OPTN: variants seen among roughly 807,000 people sequenced by gnomAD.
OPTN encodes the protein optineurin.
In OPTN, 54 loss-of-function variants were observed where a neutral mutation model predicts 70.4. That is an observed-to-expected ratio of 0.77 (90% confidence interval 0.62 to 0.96). The LOEUF is 0.96. Among genes scored for constraint, OPTN ranks in the 40% least tolerant of loss-of-function variants. OPTN has a pLI of 0.00. For synonymous variants in OPTN, 256 were observed against 248.5 expected (o/e 1.03, Z -0.28); for missense variants, 624 against 673.2 (o/e 0.93, Z 0.81).
intron 6 of OPTN, among the ~76,000 whole-genome samples, chr10:13,117,711 C>T (rs907783141): frequency 7.0e-4 from 107 of 151,978 alleles, no homozygotes; most frequent in Non-Finnish European, 6.6e-4. Flanking sequence ...CCTCCCAAAG[C>T]GCTGGGATTA....
intron 4 of OPTN, among the ~76,000 whole-genome samples, chr10:13,110,773 C>T (rs1832979195): frequency 6.6e-6 from 1 of 152,068 alleles, no homozygotes; most frequent in South Asian, 2.1e-4. Context: ...TGCAGATGGG[C>T]CTCTGCCTAG....
chr10:13,136,505 CAAAAAAAAAAAAA>C (rs71386161), intron 14 of OPTN, among the ~76,000 whole-genome samples: 1 of 72,870 alleles, frequency 1.4e-5, no homozygotes, highest in Non-Finnish European at 2.5e-5. Flanking sequence ...GACTCCGTCT[CAAAAAAAAAAAAA>C]AAAAAAAAAA....
rs534086391 is a variant in OPTN at position 13,103,355 on chromosome 10, C to T, written c.-164+3053C>T. Among the ~76,000 whole-genome samples the T allele has an allele frequency of 1.1e-4, 17 of 152,330 alleles. No homozygotes were observed. The South Asian group carries it at 1.9e-3, about 17-fold the overall frequency. On this transcript the variant is annotated intron_variant, in intron 1 of 14. Transcript: ENST00000378747. ...TTATCCCATGTAGGGATTGAACCTACGAATACTTCATTAGCAAATTTGAAG... is the reference window on the plus strand; with the variant it reads ...TTATCCCATGTAGGGATTGAACCTATGAATACTTCATTAGCAAATTTGAAG...
chr10:13,123,371 C>T (rs1833393942), intron 8 of OPTN, among the ~76,000 whole-genome samples: 1 of 152,162 alleles, frequency 6.6e-6, no homozygotes, highest in Non-Finnish European at 1.5e-5. Flanking sequence ...ATTTATTCAA[C>T]AAATATGTAC....
intron 6 of OPTN, among the ~76,000 whole-genome samples, chr10:13,116,946 A>G (rs1833222675): frequency 6.6e-6 from 1 of 152,090 alleles, no homozygotes; most frequent in Non-Finnish European, 1.5e-5. Flanking sequence ...CAGACCTAGA[A>G]CTGAGCGCCT....
chr10:13,125,071 T>G (rs1449956173), intron 9 of OPTN, among the ~76,000 whole-genome samples: 1 of 152,200 alleles, frequency 6.6e-6, no homozygotes, highest in Non-Finnish European at 1.5e-5. Flanking sequence ...TTTTTTTTAA[T>G]ATAAAAGATA....
intron 5 of OPTN, among the ~76,000 whole-genome samples, chr10:13,115,640 ATTATATATATAT>A (rs1833189418): frequency 7.2e-6 from 1 of 139,062 alleles, no homozygotes; most frequent in Admixed American, 8.0e-5. Flanking sequence ...ATCTAAATAT[ATTATATATATAT>A]TTATACGTAT....
chr10:13,129,212 T>C (rs1833538297), intron 12 of OPTN, among the ~76,000 whole-genome samples: 1 of 152,310 alleles, frequency 6.6e-6, no homozygotes, highest in Non-Finnish European at 1.5e-5. Context: ...ATTTAAGCCA[T>C]CTTTTCTTAA....
intron 12 of OPTN, among the ~76,000 whole-genome samples, chr10:13,129,405 T>C (rs995612530): frequency 6.6e-6 from 1 of 151,540 alleles, no homozygotes; most frequent in African/African-American, 2.4e-5. Context: ...CAGGCTGGAG[T>C]GCAGTGGCAC....
In OPTN at chr10:13,137,911, T is replaced by C. The variant is rs888527518; in HGVS notation, c.*1045T>C. ...TAAAAAGAACAGCTGCCTATTTTCTTCCTAGGTTAGGTTATATCTTCATAA... is the reference window on the plus strand; with the variant it reads ...TAAAAAGAACAGCTGCCTATTTTCTCCCTAGGTTAGGTTATATCTTCATAA... On this transcript the variant is annotated 3_prime_UTR_variant, in exon 15 of 15. Transcript: ENST00000378747. The C allele has an allele frequency of 1.4e-5, 3 of 221,408 alleles. No homozygotes were observed. 13.7% of individuals were successfully genotyped at this position (221,408 alleles called of 1,614,324 possible). A position where few individuals can be genotyped will look rare whatever the true frequency, so the allele number is the denominator to read the frequency against.
At chr10:13,125,064 T>A (rs1385359689) in intron 9 of OPTN, among the ~76,000 whole-genome samples, 1 of 152,232 alleles carries the variant, frequency 6.6e-6, no homozygotes, top group Admixed American at 6.5e-5. Context: ...TATAACTTTT[T>A]TTTTAATATA....
At chr10:13,101,134 G>A (rs1446116695) in intron 1 of OPTN, among the ~76,000 whole-genome samples, 3 of 152,198 alleles carry the variant, frequency 2.0e-5, no homozygotes, top group Admixed American at 2.0e-4. Context: ...CAGTTTTGGG[G>A]CGGGGGCTGG....
In OPTN at chr10:13,110,386, A is replaced by C. The variant is rs1261774894; in HGVS notation, c.279A>C (p.Ala93=). The C allele has an allele frequency of 1.9e-6, 3 of 1,614,074 alleles. No individual in the cohort carries two copies. Among genetic ancestry groups the C allele is most frequent in the African/African-American group, 1.3e-5 (1 of 74,948 alleles). Residue 93 remains alanine (A), a synonymous_variant, in exon 4 of 15, where the codon GCA becomes GCC. Transcript: ENST00000378747. The part of the protein sequence containing the change: ...RQFFEIQSKE[A]KERLMALSHE... ...TTTTTGAGATACAGAGCAAAGAAGC[A>C]AAAGAGCGTCTAATGGCCTTGAGTC...
chr10:13,101,714 T>C (rs1832753325), intron 1 of OPTN, among the ~76,000 whole-genome samples: 2 of 152,344 alleles, frequency 1.3e-5, no homozygotes. Flanking sequence ...ATCTGTGTTA[T>C]GAAGTGATAC....
chr10:13,111,845 T>G (rs12764426), intron 4 of OPTN, among the ~76,000 whole-genome samples: 1 of 11,396 alleles, frequency 8.8e-5, no homozygotes, highest in African/African-American at 4.8e-4. Flanking sequence ...TTTTTGACTG[T>G]TTTTTTTTTT....
chr10:13,103,667 A>G (rs1173160414), intron 1 of OPTN, among the ~76,000 whole-genome samples: 1 of 152,182 alleles, frequency 6.6e-6, no homozygotes, highest in African/African-American at 2.4e-5. Flanking sequence ...AATCAGATGT[A>G]TGCTCGTGTT....
chr10:13,108,433 T>C (rs984480297), intron 2 of OPTN, 144 bp downstream of exon 2: 4 of 152,164 alleles, frequency 2.6e-5, no homozygotes, highest in African/African-American at 9.7e-5. Flanking sequence ...AATTTGAAGA[T>C]TTGCATGGGA....
chr10:13,137,619 G>A lies in OPTN; in HGVS notation c.*753G>A, dbSNP rs1483483161. 4.3e-6 allele frequency: 1 copy of A among 231,684 alleles called. No homozygotes were observed. 14.4% of individuals were successfully genotyped at this position (231,684 alleles called of 1,614,324 possible). On this transcript the variant is annotated 3_prime_UTR_variant, in exon 15 of 15. Transcript: ENST00000378747. ...GAAGCATTTTTAAAAACGAATTGTA[G>A]TTGTTTTTCTTCATTTAAAATGGAT...
chr10:13,112,091 C>T (rs1225890201), intron 4 of OPTN, among the ~76,000 whole-genome samples: 12 of 150,982 alleles, frequency 7.9e-5, no homozygotes, highest in East Asian at 7.8e-4. Flanking sequence ...CTTCATGATC[C>T]GCCCACCTCG....
Sources: allele counts gnomAD v4.1 joint callset (sites outside exome capture counted in the v4.1 genomes callset), GRCh38; gene constraint gnomAD v4.1.1; transcripts MANE v1.5; gene names NCBI Gene and HGNC (gene_info 2026-07-23, HGNC 2026-07-21).